CIT: variants seen among roughly 807,000 people sequenced by gnomAD.
CIT encodes citron rho-interacting serine/threonine kinase, also known as citron Rho-interacting kinase.
CIT carries 79 observed loss-of-function variants against 272.7 expected under a neutral mutation model. The ratio of observed to expected loss-of-function variants is 0.29; its 90% CI spans 0.24 to 0.35. The LOEUF is 0.35. CIT is among the 10% of genes least tolerant of loss of function. The pLI is 1.00. For missense variants in CIT, 1,909 were observed against 2,618.3 expected (o/e 0.73, Z 5.91); for synonymous variants, 948 against 995.6 (o/e 0.95, Z 0.90).
chr12:119,775,812 G>A lies in CIT; in HGVS notation c.1915C>T (p.Gln639Ter), dbSNP rs1382735492. The A allele has an allele frequency of 6.2e-7, 1 of 1,613,876 alleles. No individual in the cohort carries two copies. ...KINAEQQLKI[Q>*]ELQEKLEKAV... ...TTCTCCAGTTTCTCTTGGAGCTCCT[G>A]AATTTTGAGCTGCTGCTCAGCATTG... is the stretch of plus-strand genomic sequence containing the variant. The change falls in exon 16 of 48, where the codon CAG becomes TAG. Residue 639 changes from glutamine to a stop codon, truncating the protein, a stop_gained. Coordinates refer to ENST00000392521, the MANE Select transcript of CIT (RefSeq NM_001206999.2). LOFTEE classifies it high-confidence loss of function.
chr12:119,860,949 C>A (rs1950317383), intron 3 of CIT, among the ~76,000 whole-genome samples: 1 of 151,520 alleles, frequency 6.6e-6, no homozygotes, highest in Admixed American at 6.6e-5. Flanking sequence ...GGTGAAACCC[C>A]ATCTCTACTA....
At chr12:119,850,909 G>A (rs1420184702) in intron 4 of CIT, among the ~76,000 whole-genome samples, 1 of 152,154 alleles carries the variant, frequency 6.6e-6, no homozygotes, top group Non-Finnish European at 1.5e-5. Flanking sequence ...CCCACCAAGG[G>A]GAGGTGGGAT....
chr12:119,702,081 T>C (rs1450295559), intron 41 of CIT, 123 bp from the exon 42 acceptor site: 1 of 713,916 alleles, frequency 1.4e-6, no homozygotes, highest in African/African-American at 1.8e-5. Flanking sequence ...ACCAAGCTTG[T>C]TCACGTTGTC....
rs1310700866 is a variant in CIT, at chr12:119,710,768, G to A, written c.4855-148C>T. 1.0e-5 allele frequency: 8 copies of A among 781,402 alleles called. No homozygotes were observed. The highest frequency in any genetic ancestry group is 1.7e-5 in the Non-Finnish European group (8 of 480,186). 48.4% of individuals were successfully genotyped at this position (781,402 alleles called of 1,614,324 possible). On this transcript the variant is annotated intron_variant, in intron 37 of 47. Transcript: ENST00000392521. The surrounding 1 kb of genome is among the most constrained non-coding windows in gnomAD (Gnocchi z 5.6). Reference sequence around the variant, plus strand: ...CGCACATATGCTCTTAGCTCAGCCCGTATTTTGATCTGAGCTCCAAATGCA... The same window carrying A: ...CGCACATATGCTCTTAGCTCAGCCCATATTTTGATCTGAGCTCCAAATGCA...
At chr12:119,814,259 T>C (rs1966934277) in intron 9 of CIT, among the ~76,000 whole-genome samples, 1 of 152,210 alleles carries the variant, frequency 6.6e-6, no homozygotes, top group Non-Finnish European at 1.5e-5. Context: ...TCCTAATTCA[T>C]AAGCATTTAG....
chr12:119,730,750 C>T, intron 26 of CIT, 120 bp from the exon 27 acceptor site: 1 of 990,164 alleles, frequency 1.0e-6, no homozygotes, highest in Non-Finnish European at 1.5e-6. Flanking sequence ...GAAAGATGCC[C>T]AACCTTGACT....
chr12:119,702,160 A>G (rs1291498583), intron 41 of CIT, among the ~76,000 whole-genome samples: 2 of 151,276 alleles, frequency 1.3e-5, no homozygotes, highest in Non-Finnish European at 2.9e-5. Flanking sequence ...GTTAGAGTGC[A>G]GTGGTGTGAT....
chr12:119,786,188 C>T (rs1964782343), intron 10 of CIT, among the ~76,000 whole-genome samples: 1 of 152,092 alleles, frequency 6.6e-6, no homozygotes, highest in Admixed American at 6.5e-5. Context: ...ACGTAAACTG[C>T]CAGTTGATAA....
At chr12:119,828,228 AC>A (rs1968325451) in intron 7 of CIT, among the ~76,000 whole-genome samples, 1 of 152,268 alleles carries the variant, frequency 6.6e-6, no homozygotes, top group Non-Finnish European at 1.5e-5. Flanking sequence ...AGGGAAAAAT[AC>A]CCACTGGCTT....
At chr12:119,743,050 C>A (rs1201366166) in intron 23 of CIT, among the ~76,000 whole-genome samples, 3 of 152,110 alleles carry the variant, frequency 2.0e-5, no homozygotes. Context: ...CTGCCTTAAA[C>A]CAGCAGCATT....
intron 1 of CIT, among the ~76,000 whole-genome samples, chr12:119,876,496 G>A (rs1950850281): frequency 6.6e-6 from 1 of 152,150 alleles, no homozygotes; most frequent in Non-Finnish European, 1.5e-5. Context: ...CACACAAATA[G>A]GTGCGAATAG....
chr12:119,731,397 AC>A (rs1253821380), intron 26 of CIT, among the ~76,000 whole-genome samples: 3 of 141,474 alleles, frequency 2.1e-5, no homozygotes, highest in African/African-American at 8.1e-5. Context: ...AATTGCTTGA[AC>A]TCGGGAGGCA....
intron 27 of CIT, among the ~76,000 whole-genome samples, chr12:119,729,265 C>A (rs1958298462): frequency 6.6e-6 from 1 of 152,134 alleles, no homozygotes; most frequent in South Asian, 2.1e-4. Context: ...AAATGGTAAC[C>A]CAGTTTCAGG....
chr12:119,718,220 A>C lies in CIT; in HGVS notation c.4168+25T>G, dbSNP rs1307701542. The stretch of plus-strand genomic sequence containing the variant: ...CCCACATGTCTTAGTCGACTAAAAG[A>C]AATTTCCATACAACTCCAACGTACC... On this transcript the variant is annotated intron_variant, in intron 32 of 47. Coordinates refer to ENST00000392521, the MANE Select transcript of CIT (RefSeq NM_001206999.2). This position sits in a 1 kb window ranked among gnomAD's most constrained non-coding sequence, Gnocchi z 4.8. The C allele has an allele frequency of 1.3e-5, 21 of 1,588,096 alleles. No homozygotes were observed. The highest frequency in any genetic ancestry group is 1.7e-5 in the Non-Finnish European group (20 of 1,164,824).
At chr12:119,809,434 T>A (rs1337596089) in intron 9 of CIT, among the ~76,000 whole-genome samples, 4 of 152,068 alleles carry the variant, frequency 2.6e-5, no homozygotes, top group African/African-American at 9.7e-5. Context: ...TGAATTATTA[T>A]GAGATATATA....
At chr12:119,762,131 C>T (rs1482346645) in intron 19 of CIT, among the ~76,000 whole-genome samples, 1 of 152,116 alleles carries the variant, frequency 6.6e-6, no homozygotes, top group East Asian at 1.9e-4. Context: ...AGGACTGTCA[C>T]AGCTCATGGG....
At chr12:119,742,990 C>T (rs1959134956) in intron 23 of CIT, 1 of 152,272 alleles carries the variant, frequency 6.6e-6, no homozygotes, top group African/African-American at 2.4e-5. Context: ...ATTCAGAAAA[C>T]TCTACATCGG....
At position 119,869,167 on chromosome 12, in the gene CIT, G is replaced by A. The variant is rs1270618886; in HGVS notation, c.131C>T (p.Ser44Phe). The stretch of plus-strand genomic sequence containing the variant: ...TAATATCCCTTCTCGGGAAAGAGGA[G>A]ACATCTGCTGTTGAGTCATAAAGGG... ...KPPFMTQQQM[S>F]PLSREGILDA... Residue 44 changes from serine to phenylalanine, a missense_variant, in exon 3 of 48, where the codon TCT becomes TTT. Ser to Phe is a radical substitution (Grantham distance 155, BLOSUM62 -2). Coordinates refer to ENST00000392521, the MANE Select transcript of CIT (RefSeq NM_001206999.2). 2 of 1,611,616 alleles carry A rather than the reference G, an allele frequency of 1.2e-6. No individual in the cohort carries two copies. Among genetic ancestry groups the A allele is most frequent in the Non-Finnish European group, 1.7e-6 (2 of 1,179,426 alleles).
chr12:119,735,561 C>T (rs1958705596), intron 24 of CIT, among the ~76,000 whole-genome samples: 1 of 152,160 alleles, frequency 6.6e-6, no homozygotes, highest in African/African-American at 2.4e-5. Flanking sequence ...AAGAAAAAGA[C>T]TCAGTTTCTC....
Sources: allele counts gnomAD v4.1 joint callset (sites outside exome capture counted in the v4.1 genomes callset), GRCh38; gene constraint gnomAD v4.1.1; non-coding constraint Gnocchi (gnomAD v3.1); transcripts MANE v1.5; gene names NCBI Gene and HGNC (gene_info 2026-07-23, HGNC 2026-07-21).